SV2C: variants seen among roughly 807,000 people sequenced by gnomAD.
SV2C encodes synaptic vesicle glycoprotein 2C.
In SV2C, 49 loss-of-function variants were observed where a neutral mutation model predicts 79.7. That is an observed-to-expected ratio of 0.61 (90% CI 0.49 to 0.78). The LOEUF (loss-of-function observed/expected upper bound fraction) is 0.78. SV2C is among the 30% of genes least tolerant of loss of function. The pLI, the probability that SV2C is intolerant of heterozygous loss-of-function variation, is 0.00. For synonymous variants in SV2C, 334 were observed against 333.2 expected (o/e 1.00, Z -0.03); for missense variants, 833 against 912.9 (o/e 0.91, Z 1.13).
chr5:76,352,439 T>C (rs984419937), intron 12 of SV2C, among the ~76,000 whole-genome samples: 1 of 152,216 alleles, frequency 6.6e-6, no homozygotes, highest in Non-Finnish European at 1.5e-5. Flanking sequence ...TCCTAATGAA[T>C]GGATTAACGT....
intron 2 of SV2C, among the ~76,000 whole-genome samples, chr5:76,135,301 C>T (rs372688347): frequency 6.6e-6 from 1 of 152,180 alleles, no homozygotes; most frequent in African/African-American, 2.4e-5. Flanking sequence ...AGAGGAGTGC[C>T]AATGGGCTAT....
chr5:76,025,822 C>A, the SV2C span, among the ~76,000 whole-genome samples: 1 of 152,142 alleles, frequency 6.6e-6, no homozygotes, highest in Non-Finnish European at 1.5e-5. Flanking sequence ...GCAGTCAAAG[C>A]ATTAATGTTT....
At chr5:76,048,818 A>C in the SV2C span, among the ~76,000 whole-genome samples, 1 of 149,126 alleles carries the variant, frequency 6.7e-6, no homozygotes, top group African/African-American at 2.5e-5. Context: ...ATTGTGAAAA[A>C]AAAAAAAATT....
At chr5:76,173,663 T>G in intron 2 of SV2C, 1 of 1,613,744 alleles carries the variant, frequency 6.2e-7, no homozygotes, top group South Asian at 1.1e-5. Context: ...TTTGCGAGCC[T>G]TCCCAGGCAC....
intron 12 of SV2C, among the ~76,000 whole-genome samples, chr5:76,351,354 G>A (rs562247838): frequency 1.3e-5 from 2 of 152,082 alleles, no homozygotes; most frequent in South Asian, 2.1e-4. Context: ...AGGCTGAAGT[G>A]AGAGGATAGC....
At chr5:76,001,282 C>T in the SV2C span, among the ~76,000 whole-genome samples, 1 of 152,084 alleles carries the variant, frequency 6.6e-6, no homozygotes, top group African/African-American at 2.4e-5. Flanking sequence ...ATTTTGCATA[C>T]AGAATTTTGA....
intron 2 of SV2C, among the ~76,000 whole-genome samples, chr5:76,141,247 A>G (rs1243257000): frequency 6.6e-6 from 1 of 152,174 alleles, no homozygotes; most frequent in East Asian, 1.9e-4. Flanking sequence ...GACGGTGAGA[A>G]TTTGATAGGA....
At chr5:76,205,669 G>C (rs1360100544) in intron 3 of SV2C, among the ~76,000 whole-genome samples, 2 of 152,180 alleles carry the variant, frequency 1.3e-5, no homozygotes, top group Admixed American at 1.3e-4. Flanking sequence ...TGGATTTAAG[G>C]ATGTGTTGCC....
intron 1 of SV2C, among the ~76,000 whole-genome samples, chr5:76,126,543 G>A (rs1357771953): frequency 1.3e-5 from 2 of 152,170 alleles, no homozygotes; most frequent in African/African-American, 4.8e-5. Context: ...GGAGGGAGGT[G>A]TGGCATCAGG....
chr5:76,023,313 T>A, the SV2C span, among the ~76,000 whole-genome samples: 1 of 152,160 alleles, frequency 6.6e-6, no homozygotes, highest in African/African-American at 2.4e-5. Context: ...TGGGATGAGA[T>A]ACTTTGCAAA....
chr5:75,909,797 T>C, the SV2C span, among the ~76,000 whole-genome samples: 1 of 152,130 alleles, frequency 6.6e-6, no homozygotes, highest in East Asian at 1.9e-4. Flanking sequence ...ACTTCCAAAA[T>C]AATACATGGT....
At chr5:76,270,086 T>C (rs1432694782) in intron 4 of SV2C, among the ~76,000 whole-genome samples, 2 of 152,148 alleles carry the variant, frequency 1.3e-5, no homozygotes, top group African/African-American at 4.8e-5. Flanking sequence ...AAAAATAGCA[T>C]TTGAATGTCT....
At chr5:75,988,376 C>T in the SV2C span, among the ~76,000 whole-genome samples, 3 of 151,876 alleles carry the variant, frequency 2.0e-5, no homozygotes, top group Admixed American at 2.0e-4. Context: ...ATTTATATGT[C>T]ACTTTTAAAT....
the SV2C span, among the ~76,000 whole-genome samples, chr5:75,877,718 G>C: frequency 2.0e-5 from 3 of 151,968 alleles, no homozygotes; most frequent in Non-Finnish European, 4.4e-5. Flanking sequence ...CATGGGGTCG[G>C]TCTGGGGCAG....
the SV2C span, among the ~76,000 whole-genome samples, chr5:76,055,859 C>A: frequency 6.6e-6 from 1 of 152,114 alleles, no homozygotes; most frequent in South Asian, 2.1e-4. Flanking sequence ...TATCCTGAGA[C>A]TTTGCTGAAG....
the SV2C span, chr5:75,921,275 T>C: frequency 6.8e-7 from 1 of 1,480,992 alleles, no homozygotes; most frequent in Non-Finnish European, 9.4e-7. Context: ...CTCCAGGTCC[T>C]TGCCATCCCA....
chr5:76,080,872 G>C, upstream of SV2C, among the ~76,000 whole-genome samples: 1 of 152,208 alleles, frequency 6.6e-6, no homozygotes, highest in South Asian at 2.1e-4. Flanking sequence ...AATAAAACTA[G>C]TCTGAGTGCT....
chr5:75,851,755 C>T, the SV2C span, among the ~76,000 whole-genome samples: 3 of 152,186 alleles, frequency 2.0e-5, no homozygotes, highest in African/African-American at 7.2e-5. Context: ...ATTCTGCTGC[C>T]TCCGCTGCCT....
chr5:76,262,355 G>A (rs2358711), intron 4 of SV2C, among the ~76,000 whole-genome samples: 26,833 of 151,794 alleles, frequency 0.18, 3,009 homozygotes, highest in East Asian at 0.3. Context: ...GGCTAGCAGC[G>A]TATATATTTT....
Sources: gnomAD v4.1 joint callset for allele counts (sites outside exome capture counted in the v4.1 genomes callset) on GRCh38, gnomAD v4.1.1 for gene constraint, MANE v1.5 for transcripts, NCBI Gene and HGNC (gene_info 2026-07-23, HGNC 2026-07-21) for gene names.